Variants in BID observed in about 807,000 individuals in gnomAD.
BID encodes the protein BH3 interacting domain death agonist.
Under a neutral mutation model 17.4 loss-of-function variants are expected in BID, and 19 were observed. The observed-to-expected ratio is 1.09, with a 90% CI of 0.76 to 1.60. The LOEUF (loss-of-function observed/expected upper bound fraction) is 1.60, where lower values mean the gene tolerates loss of function less well. BID is among the 40% of genes most tolerant of loss of function. BID has a pLI of 0.00. For synonymous variants in BID, 108 were observed against 102.8 expected (o/e 1.05, Z -0.31); for missense variants, 226 against 256.0 (o/e 0.88, Z 0.80).
intron 1 of BID, among the ~76,000 whole-genome samples, chr22:17,752,309 C>T (rs1157692420): frequency 6.6e-6 from 1 of 152,194 alleles, no homozygotes; most frequent in Non-Finnish European, 1.5e-5. Flanking sequence ...GCTCCTGGCA[C>T]GTAGCGGGTA....
intron 1 of BID, among the ~76,000 whole-genome samples, chr22:17,752,327 G>A (rs1265226184): frequency 1.3e-5 from 2 of 152,162 alleles, no homozygotes; most frequent in Non-Finnish European, 2.9e-5. Context: ...GTAGCAGTGG[G>A]GGCACGGCTC....
At chr22:17,739,729 C>T in intron 3 of BID, 1 of 592,888 alleles carries the variant, frequency 1.7e-6, no homozygotes, top group Non-Finnish European at 3.0e-6. Context: ...CGCACACAGG[C>T]ACCACGTCCC....
Position 17,757,402 on chromosome 22 carries a change from CA to C in BID, c.-58-7229del, listed in dbSNP as rs34545330. On this transcript the variant is annotated intron_variant, in intron 1 of 5. Transcript: ENST00000622694. The stretch of plus-strand genomic sequence containing the variant: ...TGGGCAACAGAGCCTGACCCTGTCC[CA>C]AAAAAAAAAAAAAAAAAAAAAAATG... 9.6e-3 allele frequency among the ~76,000 whole-genome samples: 585 copies of C among 60,956 alleles called. 3 individuals are homozygous for C. The highest frequency in any genetic ancestry group is 0.036 in the African/African-American group (490 of 13,510). 40.0% of individuals were successfully genotyped at this position (60,956 alleles called of 152,430 possible). A position where few individuals can be genotyped will look rare whatever the true frequency, so the allele number is the denominator to read the frequency against.
chr22:17,757,426 A>AAAAC (rs397952989), intron 1 of BID, among the ~76,000 whole-genome samples: 1 of 143,444 alleles, frequency 7.0e-6, no homozygotes, highest in African/African-American at 2.6e-5. Flanking sequence ...AAAAAAAAAA[A>AAAAC]TGCCAGGCGC....
At chr22:17,735,814 C>T (rs181599274) in intron 5 of BID, among the ~76,000 whole-genome samples, 7 of 152,172 alleles carry the variant, frequency 4.6e-5, no homozygotes, top group African/African-American at 1.4e-4. Flanking sequence ...AAGGCACTGA[C>T]GGTGTCAGGA....
intron 1 of BID, among the ~76,000 whole-genome samples, chr22:17,768,996 C>A (rs766898918): frequency 6.6e-6 from 1 of 151,914 alleles, no homozygotes; most frequent in Non-Finnish European, 1.5e-5. Flanking sequence ...GAGCAGAGAT[C>A]GTGCCACTGC....
At chr22:17,751,236 G>A (rs538155351) in intron 1 of BID, among the ~76,000 whole-genome samples, 7 of 151,916 alleles carry the variant, frequency 4.6e-5, no homozygotes, top group Non-Finnish European at 8.8e-5. Context: ...GCCGGGCGCG[G>A]TGGCGGGCGC....
intron 1 of BID, among the ~76,000 whole-genome samples, chr22:17,768,949 G>A (rs1206910875): frequency 6.6e-6 from 1 of 151,926 alleles, no homozygotes; most frequent in African/African-American, 2.4e-5. Flanking sequence ...GGCTGAGACA[G>A]GAGAATGGCG....
chr22:17,735,490 T>C lies in BID; in HGVS notation c.*90A>G. Reference sequence around the variant, plus strand: ...AGCCTGTCTTCTCTAGGAACGCTGTTGACATGCCAGGGCTCCGTCTACACT... The same window carrying C: ...AGCCTGTCTTCTCTAGGAACGCTGTCGACATGCCAGGGCTCCGTCTACACT... On this transcript the variant is annotated 3_prime_UTR_variant, in exon 6 of 6. Transcript: ENST00000622694. 6.7e-7 allele frequency: 1 copy of C among 1,498,574 alleles called. No individual in the cohort carries two copies. The highest frequency in any genetic ancestry group is 9.3e-7 in the Non-Finnish European group (1 of 1,076,902). The allele number at this position is 1,498,574 out of a possible 1,614,324, so 92.8% of individuals were successfully genotyped here.
chr22:17,753,164 C>T (rs2061554104), intron 1 of BID, among the ~76,000 whole-genome samples: 1 of 151,474 alleles, frequency 6.6e-6, no homozygotes, highest in Non-Finnish European at 1.5e-5. Flanking sequence ...GACGGGGTTT[C>T]ACCGTGTTAG....
chr22:17,770,207 G>A (rs1273520474), intron 1 of BID, among the ~76,000 whole-genome samples: 1 of 152,058 alleles, frequency 6.6e-6, no homozygotes, highest in African/African-American at 2.4e-5. Context: ...AAGTCCATCT[G>A]CATTTTAAGA....
chr22:17,773,632 A>C lies in BID; in HGVS notation c.-59+749T>G. 1.2e-6 allele frequency: 2 copies of C among 1,612,370 alleles called. No homozygotes were observed. Among genetic ancestry groups the C allele is most frequent in the Non-Finnish European group, 1.7e-6 (2 of 1,179,944 alleles). On this transcript the variant is annotated intron_variant, in intron 1 of 5. Transcript: ENST00000622694. This position sits in a 1 kb window ranked among gnomAD's most constrained non-coding sequence, Gnocchi z 4.4. ...TACAGAATCCGCACTGTGCTCCTCC[A>C]GCCGGCCCGGCCCCTCGCTGCCCAC...
intron 1 of BID, among the ~76,000 whole-genome samples, chr22:17,756,398 CTTTT>C (rs1439328418): frequency 7.1e-6 from 1 of 140,894 alleles, no homozygotes; most frequent in African/African-American, 2.7e-5. Context: ...CTCTTTCTTT[CTTTT>C]CTTTTTTCTC....
At chr22:17,737,648 TTACAC>T (rs1198020156) in intron 5 of BID, among the ~76,000 whole-genome samples, 1 of 152,198 alleles carries the variant, frequency 6.6e-6, no homozygotes, top group African/African-American at 2.4e-5. Flanking sequence ...ACTGGCCACA[TTACAC>T]TTATTTTTTA....
Position 17,743,863 on chromosome 22 carries a change from C to T in BID, c.163G>A (p.Asp55Asn), listed in dbSNP as rs1333326559. The T allele has an allele frequency of 7.4e-6, 12 of 1,612,992 alleles. No homozygotes were observed. Among genetic ancestry groups the T allele is most frequent in the African/African-American group, 2.7e-5 (2 of 74,940 alleles). ...PVLAPQWEGY[D>N]ELQTDGNRSS... ...CGGTTGCCATCAGTCTGCAGCTCATCGTAGCCCTCCCACTGGGGAGCCAGC... is the reference window on the plus strand; with the variant it reads ...CGGTTGCCATCAGTCTGCAGCTCATTGTAGCCCTCCCACTGGGGAGCCAGC... The change falls in exon 3 of 6, where the codon GAT becomes AAT. Residue 55 changes from aspartate (D) to asparagine (N), a missense_variant. Coordinates refer to ENST00000622694, the MANE Select transcript of BID (RefSeq NM_001196.4).
chr22:17,760,562 TC>T (rs1380472699), intron 1 of BID, among the ~76,000 whole-genome samples: 2 of 150,132 alleles, frequency 1.3e-5, no homozygotes, highest in African/African-American at 4.9e-5. Context: ...TCCTCTTACA[TC>T]TAGAAAACAG....
intron 1 of BID, among the ~76,000 whole-genome samples, chr22:17,757,836 G>A (rs76774406): frequency 0.012 from 1,837 of 152,294 alleles, 23 homozygotes; most frequent in Non-Finnish European, 0.018. Flanking sequence ...CAAGGGACTC[G>A]GCCGCTGTCA....
At position 17,769,422 on chromosome 22, in the gene BID, C is replaced by T. The variant is rs1270202419; in HGVS notation, c.-59+4959G>A. Among the ~76,000 whole-genome samples the T allele has an allele frequency of 2.0e-5, 3 of 152,204 alleles. No individual in the cohort carries two copies. In the East Asian group the frequency reaches 5.8e-4, roughly 29 times the overall value. ...TTTGGGGAAATGGTGACACCTGGGG[C>T]CAGGTTTCTCACAGCCAGGCCCCAT... On this transcript the variant is annotated intron_variant, in intron 1 of 5. Coordinates refer to ENST00000622694, the MANE Select transcript of BID (RefSeq NM_001196.4). This position sits in a 1 kb window ranked among gnomAD's most constrained non-coding sequence, Gnocchi z 4.8.
rs893321111 is a variant in BID, at chr22:17,734,512, T to C, written c.*1068A>G. 46 of 152,262 alleles carry C rather than the reference T, an allele frequency of 3.0e-4. No individual in the cohort carries two copies. The highest frequency in any genetic ancestry group is 1.0e-3 in the African/African-American group (42 of 41,468). 9.4% of individuals were successfully genotyped at this position (152,262 alleles called of 1,614,324 possible). On this transcript the variant is annotated 3_prime_UTR_variant, in exon 6 of 6. Coordinates refer to ENST00000622694, the MANE Select transcript of BID (RefSeq NM_001196.4). ...TTACCACTGGAACAGCAGACCAGTG[T>C]TGCACTGTTTCTAAAGCTAAGCTTT...
Sources: allele counts gnomAD v4.1 joint callset (sites outside exome capture counted in the v4.1 genomes callset), GRCh38; gene constraint gnomAD v4.1.1; non-coding constraint Gnocchi (gnomAD v3.1); transcripts MANE v1.5; gene names NCBI Gene and HGNC (gene_info 2026-07-23, HGNC 2026-07-21).